MED12L: variants seen among roughly 807,000 people sequenced by gnomAD.
MED12L encodes mediator of RNA polymerase II transcription subunit 12-like protein.
Under a neutral mutation model 281.3 loss-of-function variants are expected in MED12L, and 60 were observed. The ratio of observed to expected loss-of-function variants is 0.21; its 90% CI spans 0.17 to 0.26. The LOEUF (loss-of-function observed/expected upper bound fraction) is 0.26. Among genes scored for constraint, MED12L ranks in the 10% least tolerant of loss-of-function variants. The pLI, the probability that MED12L is intolerant of heterozygous loss-of-function variation, is 1.00. For missense variants in MED12L, 2,146 were observed against 2,680.9 expected (o/e 0.80, Z 4.41); for synonymous variants, 974 against 987.2 (o/e 0.99, Z 0.25).
At chr3:151,105,699 G>A (rs78793257) in intron 2 of MED12L, among the ~76,000 whole-genome samples, 48 of 152,098 alleles carry the variant, frequency 3.2e-4, no homozygotes, top group Non-Finnish European at 6.6e-4. Context: ...TTCTCTCTAG[G>A]TGATCCCAGC....
intron 4 of MED12L, among the ~76,000 whole-genome samples, chr3:151,126,988 T>C (rs1714634714): frequency 6.6e-6 from 1 of 152,170 alleles, no homozygotes; most frequent in Non-Finnish European, 1.5e-5. Context: ...GTCTCATTGC[T>C]CTCATCCTGC....
Position 151,382,667 on chromosome 3 carries a change from C to T in MED12L, c.4602C>T (p.Asn1534=), listed in dbSNP as rs1268365881. ...LQNQVNQILS[N]WREERYQDDI... ...TTTCCGGATCTTAGATTTTAAGTAACTGGAGAGAAGAACGATACCAAGATG... is the reference window on the plus strand; with the variant it reads ...TTTCCGGATCTTAGATTTTAAGTAATTGGAGAGAAGAACGATACCAAGATG... The change falls in exon 33 of 45, where the codon AAC becomes AAT. Residue 1534 remains asparagine (N), a synonymous_variant. Coordinates refer to ENST00000687756, the MANE Select transcript of MED12L (RefSeq NM_001393769.1). 6.2e-7 allele frequency: 1 copy of T among 1,607,634 alleles called. No individual in the cohort carries two copies. The highest frequency in any genetic ancestry group is 2.2e-5 in the East Asian group (1 of 44,510).
chr3:151,360,002 A>AT (rs1184966150), intron 20 of MED12L, among the ~76,000 whole-genome samples: 1 of 152,176 alleles, frequency 6.6e-6, no homozygotes, highest in Non-Finnish European at 1.5e-5. Context: ...CATAAGGGGA[A>AT]TGTGACTCCA....
Position 151,400,789 on chromosome 3 carries a change from C to A in MED12L, c.5820+5922C>A, listed in dbSNP as rs559933798. ...ATATGTTTATTTTCTCTATCCCTCC[C>A]ACTCACTCTTTAATGGTATACATAT... is the stretch of plus-strand genomic sequence containing the variant. On this transcript the variant is annotated intron_variant, in intron 39 of 44. Coordinates refer to ENST00000687756, the MANE Select transcript of MED12L (RefSeq NM_001393769.1). 9.9e-5 allele frequency among the ~76,000 whole-genome samples: 15 copies of A among 152,236 alleles called. No homozygotes were observed. In the East Asian group the frequency reaches 2.1e-3, roughly 22 times the overall value.
intron 8 of MED12L, among the ~76,000 whole-genome samples, chr3:151,161,503 G>A (rs1000390001): frequency 2.0e-5 from 3 of 152,138 alleles, no homozygotes; most frequent in Non-Finnish European, 4.4e-5. Flanking sequence ...GACCGGGAAG[G>A]TTGGCCAGAC....
At chr3:151,170,557 A>G (rs1721304422) in intron 11 of MED12L, among the ~76,000 whole-genome samples, 1 of 152,110 alleles carries the variant, frequency 6.6e-6, no homozygotes, top group South Asian at 2.1e-4. Context: ...TACAGGCGTG[A>G]GCCACTGCAC....
chr3:151,340,980 G>C (rs1751746339), intron 16 of MED12L: 1 of 152,090 alleles, frequency 6.6e-6, no homozygotes, highest in Admixed American at 6.6e-5. Flanking sequence ...CTATAGAGTT[G>C]ATGATTTATA....
chr3:151,146,416 C>T (rs1717768448), intron 5 of MED12L, among the ~76,000 whole-genome samples: 1 of 152,148 alleles, frequency 6.6e-6, no homozygotes, highest in South Asian at 2.1e-4. Flanking sequence ...GAGCACTTAC[C>T]TTGTTGCTGT....
intron 2 of MED12L, among the ~76,000 whole-genome samples, chr3:151,098,637 T>C (rs1465266697): frequency 6.6e-6 from 1 of 152,236 alleles, no homozygotes; most frequent in Non-Finnish European, 1.5e-5. Flanking sequence ...AGGACACTTG[T>C]CATTGGATTT....
chr3:151,193,758 CTAA>C, intron 16 of MED12L, 92 bp downstream of exon 16: 9 of 1,153,098 alleles, frequency 7.8e-6, no homozygotes, highest in Non-Finnish European at 8.6e-6. Context: ...GTATTCTTGA[CTAA>C]TAATGATAGC....
At chr3:151,109,620 G>A (rs1000453407) in intron 2 of MED12L, among the ~76,000 whole-genome samples, 2 of 152,150 alleles carry the variant, frequency 1.3e-5, no homozygotes, top group African/African-American at 4.8e-5. Context: ...GCTTGGTGAG[G>A]ACTGTGAATT....
At chr3:151,377,219 T>C in intron 30 of MED12L, 41 bp downstream of exon 30, 1 of 1,542,588 alleles carries the variant, frequency 6.5e-7, no homozygotes, top group Admixed American at 1.9e-5. Context: ...CATGAATTTT[T>C]CACAAGTAAC....
intron 16 of MED12L, among the ~76,000 whole-genome samples, chr3:151,292,569 C>T (rs1176755077): frequency 6.6e-6 from 1 of 151,446 alleles, no homozygotes; most frequent in Non-Finnish European, 1.5e-5. Flanking sequence ...CTGCGCGCAG[C>T]TTGCTCCTCT....
intron 27 of MED12L, among the ~76,000 whole-genome samples, chr3:151,373,757 AT>A (rs1756475946): frequency 1.3e-5 from 2 of 152,136 alleles, no homozygotes; most frequent in South Asian, 4.1e-4. Context: ...ATCATTTGAC[AT>A]TTTAAAAATA....
intron 16 of MED12L, chr3:151,300,280 C>T (rs1745725239): frequency 3.2e-6 from 2 of 628,688 alleles, no homozygotes; most frequent in Non-Finnish European, 2.9e-6. Flanking sequence ...TCAGTTAAAG[C>T]AATTGCCTCC....
chr3:151,214,100 T>C, intron 16 of MED12L: 1 of 1,614,082 alleles, frequency 6.2e-7, no homozygotes, highest in South Asian at 1.1e-5. Flanking sequence ...AAAGGAAAAG[T>C]CAGGCTCATC....
chr3:151,395,386 A>C lies in MED12L; in HGVS notation c.5820+519A>C, dbSNP rs201421027. On this transcript the variant is annotated intron_variant, in intron 39 of 44. Coordinates refer to ENST00000687756, the MANE Select transcript of MED12L (RefSeq NM_001393769.1). ...AGCAGATAAATTATAAACAACAGTC[A>C]GGATCTGGATACATTCAATTTAATT... is the stretch of plus-strand genomic sequence containing the variant. Among the ~76,000 whole-genome samples, 10 of 152,358 alleles carry C rather than the reference A, an allele frequency of 6.6e-5. No homozygotes were observed. In the East Asian group the frequency reaches 1.9e-3, roughly 29 times the overall value.
chr3:151,158,314 A>G (rs188705101), intron 6 of MED12L, among the ~76,000 whole-genome samples: 131 of 152,260 alleles, frequency 8.6e-4, no homozygotes, highest in African/African-American at 3.0e-3. Flanking sequence ...TGTTAAGATG[A>G]TGGCATGAGC....
At chr3:151,418,667 G>A (rs1717904325) in intron 43 of MED12L, among the ~76,000 whole-genome samples, 1 of 152,056 alleles carries the variant, frequency 6.6e-6, no homozygotes, top group Non-Finnish European at 1.5e-5. Flanking sequence ...CCTTTTGTGT[G>A]TCTTGTGTCT....
Sources: allele counts gnomAD v4.1 joint callset (sites outside exome capture counted in the v4.1 genomes callset), GRCh38; gene constraint gnomAD v4.1.1; transcripts MANE v1.5; gene names NCBI Gene and HGNC (gene_info 2026-07-23, HGNC 2026-07-21).